Variants in NPR3 observed in about 807,000 individuals in gnomAD.
NPR3 encodes atrial natriuretic peptide receptor 3.
Under a neutral mutation model 54.5 loss-of-function variants are expected in NPR3, and 34 were observed. The observed-to-expected ratio is 0.62, with a 90% CI of 0.47 to 0.83. NPR3 has a LOEUF of 0.83. NPR3 is among the 40% of genes least tolerant of loss of function. The probability of loss-of-function intolerance (pLI) is 0.00; values close to 1 mark genes in which losing one functional copy is unlikely to be tolerated. For missense variants in NPR3, 674 were observed against 720.8 expected (o/e 0.94, Z 0.74); for synonymous variants, 289 against 297.1 (o/e 0.97, Z 0.28).
chr5:32,771,822 GT>G (rs1741776122), intron 3 of NPR3, among the ~76,000 whole-genome samples: 1 of 152,178 alleles, frequency 6.6e-6, no homozygotes, highest in Non-Finnish European at 1.5e-5. Context: ...GGTCCTCAAA[GT>G]AAGAAGGGAA....
intron 3 of NPR3, among the ~76,000 whole-genome samples, chr5:32,763,982 A>C (rs981569517): frequency 1.3e-5 from 2 of 152,228 alleles, no homozygotes; most frequent in Non-Finnish European, 2.9e-5. Context: ...GTCTTTGGAC[A>C]TAGTCTTGAC....
At chr5:32,749,678 C>G (rs980229163) in intron 3 of NPR3, among the ~76,000 whole-genome samples, 1 of 152,054 alleles carries the variant, frequency 6.6e-6, no homozygotes, top group Non-Finnish European at 1.5e-5. Context: ...TTCTTGGGGC[C>G]CAGGGAGTGA....
chr5:32,758,189 C>T (rs1740952595), intron 3 of NPR3, among the ~76,000 whole-genome samples: 1 of 152,148 alleles, frequency 6.6e-6, no homozygotes, highest in South Asian at 2.1e-4. Context: ...ACCAGTTCCT[C>T]CTTGTACCTC....
At position 32,791,432 on chromosome 5, in the gene NPR3, C is replaced by T. The variant is rs1400268175; in HGVS notation, c.*5087C>T. On this transcript the variant is annotated 3_prime_UTR_variant, in exon 8 of 8. Coordinates refer to ENST00000265074, the MANE Select transcript of NPR3 (RefSeq NM_001204375.2). Reference sequence around the variant, plus strand: ...TAGAAAAGTAAAAGTAAAAGCTGCACACGTTACATACTGTTTATTGTTCTA... The same window carrying T: ...TAGAAAAGTAAAAGTAAAAGCTGCATACGTTACATACTGTTTATTGTTCTA... 2 of 167,082 alleles carry T rather than the reference C, an allele frequency of 1.2e-5. No individual in the cohort carries two copies. Among genetic ancestry groups the T allele is most frequent in the Non-Finnish European group, 2.9e-5 (2 of 68,126 alleles). 10.3% of individuals were successfully genotyped at this position (167,082 alleles called of 1,614,324 possible).
chr5:32,737,327 CTG>C (rs1739802798), intron 2 of NPR3, among the ~76,000 whole-genome samples: 1 of 152,178 alleles, frequency 6.6e-6, no homozygotes, highest in African/African-American at 2.4e-5. Context: ...GTGGTGGAGA[CTG>C]TATTTACAAT....
At position 32,711,599 on chromosome 5, in the gene NPR3, G is replaced by C; in HGVS notation, c.-178G>C. 8.8e-6 allele frequency: 11 copies of C among 1,243,930 alleles called. No individual in the cohort carries two copies. The highest frequency in any genetic ancestry group is 1.1e-5 in the Non-Finnish European group (11 of 998,068). 77.1% of individuals were successfully genotyped at this position (1,243,930 alleles called of 1,614,324 possible). On this transcript the variant is annotated 5_prime_UTR_variant, in exon 1 of 8. Coordinates refer to ENST00000265074, the MANE Select transcript of NPR3 (RefSeq NM_001204375.2). ...TTTAAGAAAAACTAGTGACATTGCA[G>C]AGAAGGACGCTTCCTCTCTATCTTT...
chr5:32,774,700 C>A lies in NPR3; in HGVS notation c.1060-8C>A. ...TTTTGGTTCACCCATCTGGGGTTTT[C>A]TTTTCAGGTTAACATGTTTGTTGAA... On this transcript the variant is annotated splice_polypyrimidine_tract_variant and splice_region_variant and intron_variant, in intron 3 of 7. Coordinates refer to ENST00000265074, the MANE Select transcript of NPR3 (RefSeq NM_001204375.2). 1 of 1,610,538 alleles carries A rather than the reference C, an allele frequency of 6.2e-7. No individual in the cohort carries two copies. Among genetic ancestry groups the A allele is most frequent in the Non-Finnish European group, 8.5e-7 (1 of 1,176,744 alleles).
At chr5:32,694,574 A>G (rs1740478838) in intron 1 of NPR3, among the ~76,000 whole-genome samples, 1 of 152,182 alleles carries the variant, frequency 6.6e-6, no homozygotes, top group African/African-American at 2.4e-5. Flanking sequence ...TTTTGTAGGT[A>G]CAGAGTAGGT....
intron 1 of NPR3, among the ~76,000 whole-genome samples, chr5:32,698,577 GA>G (rs1294477321): frequency 6.6e-6 from 1 of 152,060 alleles, no homozygotes; most frequent in Non-Finnish European, 1.5e-5. Context: ...GTGGGATGTT[GA>G]AGTCTCCACC....
intron 3 of NPR3, among the ~76,000 whole-genome samples, chr5:32,766,106 G>C (rs57776800): frequency 1.3e-5 from 2 of 152,246 alleles, no homozygotes; most frequent in African/African-American, 2.4e-5. Context: ...GATGGCGGGG[G>C]TGCCCATTGG....
rs115572958 is a variant in NPR3, at chr5:32,726,529, A to T, written c.892+1709A>T. 7.5e-3 allele frequency among the ~76,000 whole-genome samples: 1,149 copies of T among 152,272 alleles called. 13 individuals are homozygous for T. The highest frequency in any genetic ancestry group is 0.026 in the African/African-American group (1,086 of 41,558). ...GGGCTGCAGGGTTGAGTTCATTGAAATGGTGGTAGAAACTGGTGAAAATGA... is the reference window on the plus strand; with the variant it reads ...GGGCTGCAGGGTTGAGTTCATTGAATTGGTGGTAGAAACTGGTGAAAATGA... On this transcript the variant is annotated intron_variant, in intron 2 of 7. Transcript: ENST00000265074.
At chr5:32,765,514 G>A (rs1741406627) in intron 3 of NPR3, among the ~76,000 whole-genome samples, 5 of 152,222 alleles carry the variant, frequency 3.3e-5, no homozygotes, top group Admixed American at 1.3e-4. Context: ...ATTAACTCCA[G>A]TGAGTGCAGT....
rs1222142337 is a variant in NPR3, at chr5:32,735,699, A to C, written c.893-3165A>C. ...TCTTCTGTTCTGCTCATAAATCTCTAGAGGCACCCAGTTGTCTACTGCATT... is the reference window on the plus strand; with the variant it reads ...TCTTCTGTTCTGCTCATAAATCTCTCGAGGCACCCAGTTGTCTACTGCATT... On this transcript the variant is annotated intron_variant, in intron 2 of 7. Coordinates refer to ENST00000265074, the MANE Select transcript of NPR3 (RefSeq NM_001204375.2). Among the ~76,000 whole-genome samples the C allele has an allele frequency of 2.6e-5, 4 of 152,202 alleles. No individual in the cohort carries two copies. In the East Asian group the frequency reaches 5.8e-4, roughly 22 times the overall value.
Position 32,756,288 on chromosome 5 carries a change from C to T in NPR3, c.1059+17258C>T, listed in dbSNP as rs1001277679. On this transcript the variant is annotated intron_variant, in intron 3 of 7. Transcript: ENST00000265074. Reference sequence around the variant, plus strand: ...TGTTGTTTCCTGACTTTTTAATGATCACCATTCTAACTGGTGTGAGATGGT... The same window carrying T: ...TGTTGTTTCCTGACTTTTTAATGATTACCATTCTAACTGGTGTGAGATGGT... Among the ~76,000 whole-genome samples, 531 of 152,232 alleles carry T rather than the reference C, an allele frequency of 3.5e-3. 4 individuals are homozygous for T. Among genetic ancestry groups the T allele is most frequent in the African/African-American group, 0.012 (513 of 41,550 alleles).
chr5:32,774,897 T>C, intron 4 of NPR3, 54 bp downstream of exon 4: 1 of 1,436,436 alleles, frequency 7.0e-7, no homozygotes, highest in Non-Finnish European at 9.8e-7. Flanking sequence ...CTGCTGCTTT[T>C]CTGGTTCTGT....
chr5:32,763,198 T>A (rs1482072008), intron 3 of NPR3, among the ~76,000 whole-genome samples: 1 of 152,218 alleles, frequency 6.6e-6, no homozygotes, highest in Non-Finnish European at 1.5e-5. Flanking sequence ...TATATATCTG[T>A]TTTGGTACCA....
intron 3 of NPR3, among the ~76,000 whole-genome samples, chr5:32,756,818 A>T (rs901169653): frequency 8.5e-5 from 13 of 152,250 alleles, no homozygotes; most frequent in African/African-American, 3.1e-4. Context: ...AGCTTTCTAC[A>T]TATGGCTAGC....
chr5:32,712,525 A>G lies in NPR3; in HGVS notation c.749A>G (p.Asn250Ser). The change falls in exon 1 of 8, where the codon AAT (asparagine) becomes AGT (serine). Residue 250 changes from asparagine (N) to serine (S), a missense_variant. Physicochemically the swap from Asn to Ser is conservative, Grantham distance 46. Coordinates refer to ENST00000265074, the MANE Select transcript of NPR3 (RefSeq NM_001204375.2). ...TTGGATCTGGAAGACATCGTGCGCA[A>G]TATCCAGGCCAGTGAGAGAGGTGAG... ...KDLDLEDIVR[N>S]IQASERVVIM... is the part of the protein sequence containing the mutation. 1 of 1,535,412 alleles carries G rather than the reference A, an allele frequency of 6.5e-7. No homozygotes were observed. The highest frequency in any genetic ancestry group is 8.7e-7 in the Non-Finnish European group (1 of 1,143,550).
chr5:32,692,793 A>G (rs888288121), intron 1 of NPR3, among the ~76,000 whole-genome samples: 1 of 152,212 alleles, frequency 6.6e-6, no homozygotes, highest in Non-Finnish European at 1.5e-5. Context: ...TCTTTAGGCT[A>G]TTGCATTTTT....
Sources: allele counts gnomAD v4.1 joint callset (sites outside exome capture counted in the v4.1 genomes callset), GRCh38; gene constraint gnomAD v4.1.1; transcripts MANE v1.5; gene names NCBI Gene and HGNC (gene_info 2026-07-23, HGNC 2026-07-21).